The following PCGF3 variants were observed in gnomAD, a reference collection of about 807,000 sequenced individuals.
PCGF3 encodes the protein polycomb group RING finger protein 3.
PCGF3 carries 7 observed loss-of-function variants against 33.1 expected under a neutral mutation model. That is an observed-to-expected ratio of 0.21 (90% confidence interval 0.12 to 0.40). The LOEUF (loss-of-function observed/expected upper bound fraction) is 0.40. PCGF3 is among the 10% of genes least tolerant of loss of function. The pLI is 1.00. For missense variants in PCGF3, 211 were observed against 313.3 expected (o/e 0.67, Z 2.46); for synonymous variants, 153 against 121.3 (o/e 1.26, Z -1.72).
At chr4:734,043 A>G in intron 4 of PCGF3, 1 of 1,550,700 alleles carries the variant, frequency 6.4e-7, no homozygotes, top group East Asian at 2.4e-5. Flanking sequence ...CATTCCTCCC[A>G]CGGAGCAGCA....
At chr4:734,563 G>A in intron 4 of PCGF3, 2 of 1,162,734 alleles carry the variant, frequency 1.7e-6, no homozygotes, top group Non-Finnish European at 2.1e-6. Context: ...TTATCTAGTT[G>A]TACGTAGAAG....
chr4:709,874 C>T (rs756565957), intron 1 of PCGF3, among the ~76,000 whole-genome samples: 8 of 152,170 alleles, frequency 5.3e-5, no homozygotes, highest in African/African-American at 9.7e-5. Context: ...CCAGTGTAAC[C>T]GCCAGGGACC....
At chr4:710,581 G>A (rs1742521519) in intron 1 of PCGF3, among the ~76,000 whole-genome samples, 1 of 152,258 alleles carries the variant, frequency 6.6e-6, no homozygotes, top group Admixed American at 6.5e-5. Context: ...GACGTGTTAA[G>A]ATGAGGATGT....
At chr4:760,992 C>T (rs1269326378) in intron 8 of PCGF3, among the ~76,000 whole-genome samples, 2 of 152,200 alleles carry the variant, frequency 1.3e-5, no homozygotes, top group Non-Finnish European at 2.9e-5. Flanking sequence ...GAACCCAGTG[C>T]CTGCGATGGA....
In PCGF3 at chr4:761,926, A is replaced by G; in HGVS notation, c.600+510A>G. On this transcript the variant is annotated intron_variant, in intron 9 of 10. Coordinates refer to ENST00000362003, the Ensembl canonical transcript of PCGF3. ...GGGTCCAGCTTTGCATGGAGACAGAAGGCGCTGGCGGCTGTGGGCAGGAGC... is the reference window on the plus strand; with the variant it reads ...GGGTCCAGCTTTGCATGGAGACAGAGGGCGCTGGCGGCTGTGGGCAGGAGC... 5.1e-6 allele frequency: 5 copies of G among 985,396 alleles called. No homozygotes were observed. In the Middle Eastern group the frequency reaches 2.1e-3, roughly 412 times the overall value. 61.0% of individuals were successfully genotyped at this position (985,396 alleles called of 1,614,324 possible).
At chr4:735,021 A>G in exon 5 of PCGF3, 1 of 1,612,116 alleles carries the variant, frequency 6.2e-7, no homozygotes, top group Non-Finnish European at 8.5e-7. Flanking sequence ...CCCCTGCAGT[A>G]CATCGGGTGA....
At chr4:743,790 C>G in intron 7 of PCGF3, 1 of 484,860 alleles carries the variant, frequency 2.1e-6, no homozygotes, top group Non-Finnish European at 3.7e-6. Context: ...GAAAAGCCAG[C>G]AGGGGAGAGC....
rs956749415 is a variant in PCGF3 at position 722,410 on chromosome 4, C to T, written c.-189-8220C>T. Reference sequence around the variant, plus strand: ...CTGCCCCAGGCAGCGGCGTGGCTGGCGTGCGGAGTGTTTTGGGGGTGTCTG... The same window carrying T: ...CTGCCCCAGGCAGCGGCGTGGCTGGTGTGCGGAGTGTTTTGGGGGTGTCTG... On this transcript the variant is annotated intron_variant, in intron 1 of 10. Coordinates refer to ENST00000362003, the Ensembl canonical transcript of PCGF3. 22 of 204,408 alleles carry T rather than the reference C, an allele frequency of 1.1e-4. 2 individuals carry two copies. Among genetic ancestry groups the T allele is most frequent in the African/African-American group, 9.6e-5 (4 of 41,796 alleles). The allele number at this position is 204,408 out of a possible 1,614,324, so 12.7% of individuals were successfully genotyped here. A position where few individuals can be genotyped will look rare whatever the true frequency, so the allele number is the denominator to read the frequency against.
chr4:726,422 CG>C (rs1577406334), intron 1 of PCGF3, among the ~76,000 whole-genome samples: 2 of 152,242 alleles, frequency 1.3e-5, no homozygotes, highest in Admixed American at 6.5e-5. Context: ...GGGGCACAGC[CG>C]GGCCACGATG....
At chr4:763,786 C>T (rs1232462943) in intron 9 of PCGF3, among the ~76,000 whole-genome samples, 1 of 152,210 alleles carries the variant, frequency 6.6e-6, no homozygotes, top group Non-Finnish European at 1.5e-5. Context: ...TCATAATTAC[C>T]AAAACCTGGA....
chr4:739,591 C>CA (rs540149695), intron 6 of PCGF3, among the ~76,000 whole-genome samples: 118 of 152,294 alleles, frequency 7.7e-4, no homozygotes, highest in African/African-American at 2.7e-3. Flanking sequence ...GGTTGTCCTG[C>CA]GGCAGTGGAC....
chr4:731,187 G>T, intron 3 of PCGF3, 77 bp downstream of exon 3: 1 of 398,520 alleles, frequency 2.5e-6, no homozygotes, highest in Non-Finnish European at 4.4e-6. Flanking sequence ...GGCGAGGGCC[G>T]GCGATCATTA....
At chr4:761,380 C>T in exon 9 of PCGF3, 2 of 1,611,472 alleles carry the variant, frequency 1.2e-6, no homozygotes, top group Non-Finnish European at 1.7e-6. Context: ...TGAAGAAGTT[C>T]ATCGCCAAAA....
chr4:722,523 C>T (rs1743128588), intron 1 of PCGF3: 1 of 311,584 alleles, frequency 3.2e-6, no homozygotes, highest in South Asian at 2.4e-5. Flanking sequence ...CGGGTCCACA[C>T]TCAGTCATCG....
At chr4:742,152 CCTCT>C (rs763438907) in intron 6 of PCGF3, among the ~76,000 whole-genome samples, 14 of 150,384 alleles carry the variant, frequency 9.3e-5, no homozygotes, top group Non-Finnish European at 1.8e-4. Flanking sequence ...GGGGTCCCCT[CCTCT>C]CTCTCTCCCC....
chr4:756,793 G>A (rs920279563), intron 8 of PCGF3, among the ~76,000 whole-genome samples: 4 of 151,878 alleles, frequency 2.6e-5, no homozygotes, highest in African/African-American at 9.7e-5. Context: ...TCCCCACCCC[G>A]CTCCCCCAGC....
At chr4:734,066 G>T (rs763289574) in intron 4 of PCGF3, 1 of 1,550,732 alleles carries the variant, frequency 6.4e-7, no homozygotes, top group Admixed American at 2.0e-5. Flanking sequence ...GCCAGTAGCC[G>T]CTGTGACAGT....
chr4:744,639 C>A, exon 8 of PCGF3: 1 of 1,562,036 alleles, frequency 6.4e-7, no homozygotes, highest in Non-Finnish European at 8.7e-7. Flanking sequence ...AAAGAGGCCG[C>A]GGAGGAGAAG....
chr4:758,298 C>T (rs890472765), intron 8 of PCGF3, among the ~76,000 whole-genome samples: 4 of 151,874 alleles, frequency 2.6e-5, no homozygotes, highest in African/African-American at 9.7e-5. Context: ...CCGCCAAACT[C>T]CAGGTCTTTC....
Sources: gnomAD v4.1 joint callset for allele counts (sites outside exome capture counted in the v4.1 genomes callset) on GRCh38, gnomAD v4.1.1 for gene constraint, MANE v1.5 for transcripts, NCBI Gene and HGNC (gene_info 2026-07-23, HGNC 2026-07-21) for gene names.